Variants in TRAF2 observed in about 807,000 individuals in gnomAD.
TRAF2 encodes the protein TNF receptor-associated factor 2.
Under a neutral mutation model 55.6 loss-of-function variants are expected in TRAF2, and 6 were observed. The observed-to-expected ratio is 0.11, with a 90% CI of 0.06 to 0.21. TRAF2 has a LOEUF of 0.21. TRAF2 is among the 10% of genes least tolerant of loss of function. TRAF2 has a pLI of 1.00. For synonymous variants in TRAF2, 329 were observed against 276.3 expected, an observed-to-expected ratio of 1.19 and a Z score of -1.89; for missense variants, 561 against 684.5, an observed-to-expected ratio of 0.82 and a Z score of 2.01.
chr9:136,893,255 C>G (rs1336901476), intron 1 of TRAF2, among the ~76,000 whole-genome samples: 1 of 152,154 alleles, frequency 6.6e-6, no homozygotes, highest in African/African-American at 2.4e-5. Context: ...AGCGTCCCTT[C>G]TGTTGGGTGG....
At chr9:136,885,697 G>A (rs1275635545), upstream of TRAF2, among the ~76,000 whole-genome samples, 1 of 152,126 alleles carries the variant, frequency 6.6e-6, no homozygotes, top group Non-Finnish European at 1.5e-5. Context: ...GAACCCGGGA[G>A]GCGGAGGTTG....
chr9:136,883,159 C>T (rs1296744423), upstream of TRAF2, among the ~76,000 whole-genome samples: 3 of 152,034 alleles, frequency 2.0e-5, no homozygotes, highest in Non-Finnish European at 2.9e-5. Flanking sequence ...CGTGAGCCAC[C>T]ATGCCCAGCC....
Position 136,908,165 on chromosome 9 carries a change from C to T in TRAF2, c.462C>T (p.His154=), listed in dbSNP as rs754582448. ...GTGAAAAGGAGCGCCACCTGGAGCACGAGTGCCCGGAGAGAAGCCTGAGCT... is the reference window on the plus strand; with the variant it reads ...GTGAAAAGGAGCGCCACCTGGAGCATGAGTGCCCGGAGAGAAGCCTGAGCT... The part of the protein sequence containing the change: ...RLGEKERHLE[H]ECPERSLSCR... Residue 154 remains histidine, a synonymous_variant, in exon 5 of 11, where the codon CAC becomes CAT. Transcript: ENST00000247668. 59 of 1,602,780 alleles carry T rather than the reference C, an allele frequency of 3.7e-5. No individual in the cohort carries two copies. Among genetic ancestry groups the T allele is most frequent in the Non-Finnish European group, 4.1e-5 (48 of 1,179,832 alleles).
intron 9 of TRAF2, among the ~76,000 whole-genome samples, chr9:136,921,715 C>G (rs1162722669): frequency 6.6e-6 from 1 of 151,602 alleles, no homozygotes; most frequent in South Asian, 2.1e-4. Context: ...TTTTAAACCC[C>G]AACTATGGGG....
intron 1 of TRAF2, among the ~76,000 whole-genome samples, chr9:136,896,251 T>G (rs1849677164): frequency 6.6e-6 from 1 of 152,186 alleles, no homozygotes; most frequent in South Asian, 2.1e-4. Flanking sequence ...GCCCTGGCCC[T>G]CGGGCTGCTT....
At chr9:136,886,215 C>G (rs1483847752), upstream of TRAF2, 1 of 177,750 alleles carries the variant, frequency 5.6e-6, no homozygotes, top group Non-Finnish European at 1.1e-5. Flanking sequence ...CAGCGCAGCA[C>G]CTCACCAGCT....
chr9:136,920,301 G>T lies in TRAF2; in HGVS notation c.746G>T (p.Ser249Ile), dbSNP rs1478727143. 1.9e-6 allele frequency: 3 copies of T among 1,613,886 alleles called. No homozygotes were observed. Among genetic ancestry groups the T allele is most frequent in the Non-Finnish European group, 2.5e-6 (3 of 1,180,040 alleles). Residue 249 changes from serine to isoleucine, a missense_variant, in exon 8 of 11, where the codon AGC becomes ATC. Physicochemically the swap from Ser to Ile is moderately radical, Grantham distance 142. Transcript: ENST00000247668. Reference sequence around the variant, plus strand: ...CGGGAGCACCTGGCCATGCTACTGAGCTCGGTGCTGGAGGCAAAGCCCCTC... The same window carrying T: ...CGGGAGCACCTGGCCATGCTACTGATCTCGGTGCTGGAGGCAAAGCCCCTC... Reference protein sequence around the residue: ...WLREHLAMLLSSVLEAKPLLG... With the variant: ...WLREHLAMLLISVLEAKPLLG...
At chr9:136,890,905 C>T (rs914613047) in intron 1 of TRAF2, among the ~76,000 whole-genome samples, 8 of 152,154 alleles carry the variant, frequency 5.3e-5, no homozygotes, top group Non-Finnish European at 8.8e-5. Context: ...AAGCGTCTGC[C>T]GGTGGTGGAG....
intron 6 of TRAF2, among the ~76,000 whole-genome samples, chr9:136,913,643 TTA>T (rs1350250578): frequency 6.6e-6 from 1 of 152,118 alleles, no homozygotes; most frequent in Non-Finnish European, 1.5e-5. Flanking sequence ...TTCTTTGAGT[TTA>T]TGTCAGCTGT....
intron 4 of TRAF2, among the ~76,000 whole-genome samples, chr9:136,907,143 C>T (rs189331635): frequency 1.3e-5 from 2 of 152,390 alleles, no homozygotes; most frequent in Admixed American, 6.5e-5. Context: ...CCTCCCTTCC[C>T]TCTGTGTCCT....
chr9:136,890,928 G>A (rs946220033), intron 1 of TRAF2, among the ~76,000 whole-genome samples: 2 of 152,138 alleles, frequency 1.3e-5, no homozygotes, highest in African/African-American at 4.8e-5. Context: ...CGTGCACTTT[G>A]TTGTGAACCT....
At chr9:136,903,674 T>TTTTG (rs1239568605) in intron 4 of TRAF2, among the ~76,000 whole-genome samples, 1 of 151,520 alleles carries the variant, frequency 6.6e-6, no homozygotes, top group African/African-American at 2.4e-5. Flanking sequence ...GAAAGGTTTT[T>TTTTG]TTTGTTTGTT....
At chr9:136,882,672 A>T (rs556264987), upstream of TRAF2, 578 of 985,556 alleles carry the variant, frequency 5.9e-4, no homozygotes, top group Non-Finnish European at 5.6e-4. Flanking sequence ...GGCAGGAAGG[A>T]GCCCACGTGG....
intron 1 of TRAF2, chr9:136,889,660 T>G (rs981707229): frequency 6.6e-6 from 1 of 152,202 alleles, no homozygotes; most frequent in Non-Finnish European, 1.5e-5. Context: ...GGTCTTGTTA[T>G]GTTTCCCAGG....
rs2131291411 is a variant in TRAF2 at position 136,899,242 on chromosome 9, T to C, written c.188+314T>C. 4.6e-5 allele frequency among the ~76,000 whole-genome samples: 7 copies of C among 152,354 alleles called. No homozygotes were observed. In the South Asian group the frequency reaches 1.4e-3, roughly 32 times the overall value. On this transcript the variant is annotated intron_variant, in intron 2 of 10. Transcript: ENST00000247668. ...CACCTACTGCTCACTTTTTGGCTGC[T>C]CTAGGCAGCTAAGACAGCCGCCTTC... is the stretch of plus-strand genomic sequence containing the variant.
At chr9:136,920,150 C>T in intron 7 of TRAF2, 84 bp from the exon 8 acceptor site, 1 of 1,475,780 alleles carries the variant, frequency 6.8e-7, no homozygotes, top group Non-Finnish European at 9.0e-7. Flanking sequence ...CTCAGCTCAG[C>T]TGAGGCCCAC....
At chr9:136,882,586 T>C, upstream of TRAF2, 1 of 871,956 alleles carries the variant, frequency 1.1e-6, no homozygotes, top group Non-Finnish European at 1.4e-6. Flanking sequence ...CTGGGGCTTC[T>C]CCTGAGACTG....
At position 136,900,533 on chromosome 9, in the gene TRAF2, G is replaced by A. The variant is rs758295248; in HGVS notation, c.366+13G>A. ...GAAAGAATACGAGGTAAAGATGCCT[G>A]CGTGTGGCATGGTGACAGAAGCTCC... On this transcript the variant is annotated intron_variant, in intron 4 of 10. Coordinates refer to ENST00000247668, the MANE Select transcript of TRAF2 (RefSeq NM_021138.4). The A allele has an allele frequency of 3.1e-6, 5 of 1,608,608 alleles. No individual in the cohort carries two copies. The highest frequency in any genetic ancestry group is 1.7e-5 in the Admixed American group (1 of 59,978).
chr9:136,924,832 G>A (rs1227270983), intron 10 of TRAF2, among the ~76,000 whole-genome samples: 1 of 151,998 alleles, frequency 6.6e-6, no homozygotes, highest in African/African-American at 2.4e-5. Flanking sequence ...CTCCCCTCCT[G>A]GGTTCAAGCG....
Sources: allele counts gnomAD v4.1 joint callset (sites outside exome capture counted in the v4.1 genomes callset), GRCh38; gene constraint gnomAD v4.1.1; transcripts MANE v1.5; gene names NCBI Gene and HGNC (gene_info 2026-07-23, HGNC 2026-07-21).